The following SDK1 variants were observed in gnomAD, a reference collection of about 807,000 sequenced individuals.
The protein encoded by SDK1 is protein sidekick-1.
In SDK1, 157 loss-of-function variants were observed where a neutral mutation model predicts 245.5. The ratio of observed to expected loss-of-function variants is 0.64; its 90% confidence interval spans 0.56 to 0.73. SDK1 has a LOEUF of 0.73. SDK1 is among the 30% of genes least tolerant of loss of function. SDK1 has a pLI of 0.00. For synonymous variants in SDK1, 1,647 were observed against 1,278.5 expected (o/e 1.29, Z -6.15); for missense variants, 3,583 against 3,002.3 (o/e 1.19, Z -4.52).
At chr7:3,971,164 T>C (rs1782460511) in intron 11 of SDK1, among the ~76,000 whole-genome samples, 2 of 152,154 alleles carry the variant, frequency 1.3e-5, no homozygotes, top group Non-Finnish European at 2.9e-5. Flanking sequence ...GGTTTTATTT[T>C]AGAGCCTAGA....
At chr7:3,356,870 A>G (rs746847143) in intron 1 of SDK1, among the ~76,000 whole-genome samples, 2 of 152,006 alleles carry the variant, frequency 1.3e-5, no homozygotes, top group Non-Finnish European at 2.9e-5. Flanking sequence ...AGCCTGACCA[A>G]CATGGTGAAA....
intron 1 of SDK1, among the ~76,000 whole-genome samples, chr7:3,427,478 C>A (rs1402564656): frequency 6.8e-6 from 1 of 147,444 alleles, no homozygotes; most frequent in African/African-American, 2.5e-5. Context: ...GAGATTGTGC[C>A]ATTGGACTGC....
At chr7:3,726,227 C>T (rs1261297093) in intron 4 of SDK1, among the ~76,000 whole-genome samples, 1 of 152,196 alleles carries the variant, frequency 6.6e-6, no homozygotes, top group Non-Finnish European at 1.5e-5. Context: ...CCAAGTAAAA[C>T]AGGGCAGCCA....
At chr7:3,655,204 C>T (rs1783124352) in intron 4 of SDK1, among the ~76,000 whole-genome samples, 1 of 151,490 alleles carries the variant, frequency 6.6e-6, no homozygotes, top group Non-Finnish European at 1.5e-5. Context: ...GAGGCTGAGG[C>T]AGGCAGATCA....
intron 1 of SDK1, among the ~76,000 whole-genome samples, chr7:3,578,174 C>T (rs1032768116): frequency 2.0e-5 from 3 of 152,016 alleles, no homozygotes; most frequent in African/African-American, 7.2e-5. Flanking sequence ...AGGAATTTTA[C>T]AGTTGGGCCG....
chr7:3,603,291 A>G (rs1781309488), intron 1 of SDK1, among the ~76,000 whole-genome samples: 1 of 146,852 alleles, frequency 6.8e-6, no homozygotes, highest in African/African-American at 2.5e-5. Flanking sequence ...CATTTTCACG[A>G]TATTGATTCT....
chr7:3,613,419 A>G (rs1356643139), intron 1 of SDK1, among the ~76,000 whole-genome samples: 1 of 152,156 alleles, frequency 6.6e-6, no homozygotes, highest in African/African-American at 2.4e-5. Context: ...TAAAATTATG[A>G]TGTTGTGTAA....
chr7:3,634,382 T>G (rs536325746), intron 2 of SDK1, among the ~76,000 whole-genome samples: 1 of 152,328 alleles, frequency 6.6e-6, no homozygotes, highest in Non-Finnish European at 1.5e-5. Flanking sequence ...TTTCTCCTAT[T>G]AGCAGAAATG....
At chr7:4,237,584 C>T (rs987727983) in intron 41 of SDK1, 63 bp from the exon 42 acceptor site, 26 of 1,596,518 alleles carry the variant, frequency 1.6e-5, no homozygotes, top group African/African-American at 1.5e-4. Flanking sequence ...ACCTGACTCG[C>T]GGGAGGTGAC....
intron 4 of SDK1, among the ~76,000 whole-genome samples, chr7:3,728,347 G>A (rs1005350269): frequency 1.3e-5 from 2 of 152,190 alleles, no homozygotes; most frequent in African/African-American, 4.8e-5. Flanking sequence ...GACCAACTTA[G>A]TGGAATGTTT....
At chr7:3,671,812 T>A (rs886225679) in intron 4 of SDK1, among the ~76,000 whole-genome samples, 1 of 152,218 alleles carries the variant, frequency 6.6e-6, no homozygotes, top group Non-Finnish European at 1.5e-5. Context: ...ATAACGCCAG[T>A]GGGAAATCTT....
At chr7:3,400,156 A>G (rs1562463845) in intron 1 of SDK1, among the ~76,000 whole-genome samples, 1 of 151,664 alleles carries the variant, frequency 6.6e-6, no homozygotes. Flanking sequence ...TCACATTGTT[A>G]GGGAGGCTGC....
At chr7:4,073,885 C>G (rs1463903653) in intron 20 of SDK1, among the ~76,000 whole-genome samples, 1 of 152,194 alleles carries the variant, frequency 6.6e-6, no homozygotes, top group South Asian at 2.1e-4. Flanking sequence ...GGCAGGCACA[C>G]TCAGCACGGC....
At chr7:4,224,358 G>A (rs1449116499) in intron 40 of SDK1, among the ~76,000 whole-genome samples, 3 of 152,252 alleles carry the variant, frequency 2.0e-5, no homozygotes, top group Non-Finnish European at 4.4e-5. Flanking sequence ...CAGGGAGCCG[G>A]CACGCCACAT....
intron 1 of SDK1, among the ~76,000 whole-genome samples, chr7:3,312,178 T>C (rs7785994): frequency 0.6 from 91,805 of 151,988 alleles, 28,636 homozygotes; most frequent in African/African-American, 0.78. Context: ...ACATTTCTTA[T>C]AGTGCAACTA....
chr7:3,343,822 A>G (rs554242472), intron 1 of SDK1, among the ~76,000 whole-genome samples: 1 of 152,318 alleles, frequency 6.6e-6, no homozygotes, highest in South Asian at 2.1e-4. Flanking sequence ...AAAGGGGAAG[A>G]TGAAAGTGAA....
intron 5 of SDK1, among the ~76,000 whole-genome samples, chr7:3,942,046 A>G (rs532853148): frequency 1.3e-5 from 2 of 151,728 alleles, no homozygotes; most frequent in East Asian, 1.9e-4. Flanking sequence ...AGCTGGGACT[A>G]CAGGCGCCCG....
chr7:3,807,653 C>A (rs376668633), intron 4 of SDK1, among the ~76,000 whole-genome samples: 1 of 152,068 alleles, frequency 6.6e-6, no homozygotes, highest in African/African-American at 2.4e-5. Context: ...AAGGTTTGCA[C>A]AGATTCCTCT....
chr7:3,582,089 G>A (rs1204963236), intron 1 of SDK1, among the ~76,000 whole-genome samples: 1 of 145,374 alleles, frequency 6.9e-6, no homozygotes, highest in Non-Finnish European at 1.5e-5. Context: ...CCTCAGGTAG[G>A]CCTGTCTCAG....
Sources: gnomAD v4.1 joint callset for allele counts (sites outside exome capture counted in the v4.1 genomes callset) on GRCh38, gnomAD v4.1.1 for gene constraint, MANE v1.5 for transcripts, NCBI Gene and HGNC (gene_info 2026-07-23, HGNC 2026-07-21) for gene names.